Variants in ABCA12 observed in about 807,000 individuals in gnomAD.
ABCA12 encodes the protein glucosylceramide transporter ABCA12.
ABCA12 carries 156 observed loss-of-function variants against 293.5 expected under a neutral mutation model. The ratio of observed to expected loss-of-function variants is 0.53; its 90% CI spans 0.47 to 0.61. The LOEUF (loss-of-function observed/expected upper bound fraction) is 0.61. Ranked by LOEUF, ABCA12 falls within the 20% of genes least tolerant of loss-of-function variation. ABCA12 has a pLI of 0.00. For synonymous variants in ABCA12, 1,063 were observed against 1,108.0 expected (o/e 0.96, Z 0.81); for missense variants, 2,797 against 3,090.2 (o/e 0.91, Z 2.25).
intron 9 of ABCA12, among the ~76,000 whole-genome samples, chr2:215,031,086 T>C (rs979363837): frequency 2.0e-5 from 3 of 152,200 alleles, no homozygotes; most frequent in African/African-American, 7.2e-5. Flanking sequence ...CTTACCATAA[T>C]TATCACAGTT....
At chr2:214,937,742 C>T in intron 50 of ABCA12, 127 bp from the exon 51 acceptor site, 2 of 696,954 alleles carry the variant, frequency 2.9e-6, no homozygotes, top group Non-Finnish European at 5.0e-6. Flanking sequence ...TGAAGACTAT[C>T]ATTTTGCCAT....
intron 8 of ABCA12, among the ~76,000 whole-genome samples, chr2:215,034,337 A>G (rs1233211336): frequency 6.6e-6 from 1 of 152,178 alleles, no homozygotes; most frequent in Non-Finnish European, 1.5e-5. Context: ...CTCCTGAAGA[A>G]ATCTTGAAGT....
At position 214,975,858 on chromosome 2, in the gene ABCA12, A is replaced by G; in HGVS notation, c.5308T>C (p.Ser1770Pro). 1 of 1,614,102 alleles carries G rather than the reference A, an allele frequency of 6.2e-7. No homozygotes were observed. The highest frequency in any genetic ancestry group is 8.5e-7 in the Non-Finnish European group (1 of 1,179,992). ...TAMGLGTLRN[S>P]SNSYPEIQIS... ...TGAATCTCTGGATAACTGTTGCTGG[A>G]ATTTCTCAGTGTGCCAAGGCCCATG... is the stretch of plus-strand genomic sequence containing the variant. The change falls in exon 34 of 53, where the codon TCC (serine) becomes CCC (proline). Residue 1770 changes from serine (S) to proline (P), a missense_variant. Coordinates refer to ENST00000272895, the MANE Select transcript of ABCA12 (RefSeq NM_173076.3).
At chr2:215,118,758 A>G (rs1354124505) in intron 1 of ABCA12, among the ~76,000 whole-genome samples, 1 of 152,164 alleles carries the variant, frequency 6.6e-6, no homozygotes, top group Non-Finnish European at 1.5e-5. Flanking sequence ...TTTCTCTATG[A>G]TTAGTGAGGA....
intron 2 of ABCA12, among the ~76,000 whole-genome samples, chr2:215,073,266 C>A (rs531543242): frequency 6.6e-6 from 1 of 152,240 alleles, no homozygotes; most frequent in East Asian, 1.9e-4. Context: ...TAAAAAATCT[C>A]CCTGCTATGG....
At chr2:215,030,730 A>G (rs4673934) in intron 9 of ABCA12, among the ~76,000 whole-genome samples, 151,788 of 152,284 alleles carry the variant, frequency 1, 75,649 homozygotes, top group East Asian at 1. Context: ...GAGAGATGGC[A>G]GCAGAAAGAG....
At chr2:215,107,160 G>T (rs1702479814) in intron 2 of ABCA12, among the ~76,000 whole-genome samples, 2 of 151,952 alleles carry the variant, frequency 1.3e-5, no homozygotes, top group Admixed American at 1.3e-4. Context: ...TTCTGTCAGG[G>T]TTTTACTGTA....
rs1365135340 is a variant in ABCA12 at position 215,112,786 on chromosome 2, C to T, written c.70-1096G>A. 2.6e-5 allele frequency among the ~76,000 whole-genome samples: 4 copies of T among 152,222 alleles called. No homozygotes were observed. In the East Asian group the frequency reaches 5.8e-4, roughly 22 times the overall value. ...GCTGGGATTACAGGCGTGTGAGCCA[C>T]CGTGCCCGGCCTGAAATTTTCATTA... On this transcript the variant is annotated intron_variant, in intron 1 of 52. Coordinates refer to ENST00000272895, the MANE Select transcript of ABCA12 (RefSeq NM_173076.3).
chr2:215,111,837 T>G, intron 1 of ABCA12, 147 bp from the exon 2 acceptor site: 1 of 654,434 alleles, frequency 1.5e-6, no homozygotes, highest in South Asian at 1.9e-5. Flanking sequence ...AAAAAGTGAA[T>G]GAGAGATTTT....
chr2:214,975,924 T>C lies in ABCA12; in HGVS notation c.5242A>G (p.Ile1748Val). ...HHTRRNWKGL[I>V]AQVILPIVFV... ...ACGATGGGGAGGATAACCTGAGCAA[T>C]GAGACCTTTCCAGTTCCTGCGGGTG... The change falls in exon 34 of 53, where the codon ATT (isoleucine) becomes GTT (valine). Residue 1748 changes from isoleucine to valine, a missense_variant. Physicochemically the swap from Ile to Val is conservative, Grantham distance 29 (BLOSUM62 3). Coordinates refer to ENST00000272895, the MANE Select transcript of ABCA12 (RefSeq NM_173076.3). 6.2e-7 allele frequency: 1 copy of C among 1,613,654 alleles called. No individual in the cohort carries two copies. Among genetic ancestry groups the C allele is most frequent in the Non-Finnish European group, 8.5e-7 (1 of 1,179,606 alleles).
At chr2:214,934,389 A>T (rs1012677449) in intron 51 of ABCA12, among the ~76,000 whole-genome samples, 174 bp from the exon 52 acceptor site, 6 of 152,216 alleles carry the variant, frequency 3.9e-5, no homozygotes, top group Admixed American at 3.9e-4. Flanking sequence ...AGATGAGATG[A>T]AAGTTTTGTG....
At chr2:215,062,927 G>C (rs1307785034) in intron 3 of ABCA12, among the ~76,000 whole-genome samples, 2 of 151,968 alleles carry the variant, frequency 1.3e-5, no homozygotes, top group African/African-American at 4.8e-5. Flanking sequence ...AATGCAAAAA[G>C]GATAGAGAAA....
chr2:214,969,090 A>C (rs1397573932), intron 37 of ABCA12, among the ~76,000 whole-genome samples: 1 of 152,068 alleles, frequency 6.6e-6, no homozygotes, highest in Non-Finnish European at 1.5e-5. Context: ...AATTTCTCCA[A>C]CTTAACTGAC....
chr2:215,048,461 G>A (rs941434135), intron 6 of ABCA12, among the ~76,000 whole-genome samples: 2 of 151,962 alleles, frequency 1.3e-5, no homozygotes, highest in Admixed American at 6.6e-5. Flanking sequence ...TTGGGAGGCC[G>A]AGGCAGGTGG....
chr2:215,004,330 A>G (rs779036240), intron 19 of ABCA12, 31 bp from the exon 20 acceptor site: 2 of 1,530,052 alleles, frequency 1.3e-6, no homozygotes, highest in Admixed American at 1.7e-5. Context: ...ATCAGTTTCA[A>G]TACAAGAAAA....
intron 37 of ABCA12, 96 bp from the exon 38 acceptor site, chr2:214,968,903 T>TAACAGAAACAAAAA: frequency 1.0e-6 from 1 of 979,480 alleles, no homozygotes; most frequent in Non-Finnish European, 1.6e-6. Flanking sequence ...TTTTTGTTTC[T>TAACAGAAACAAAAA]GTTAGGAACA....
chr2:215,102,185 G>A (rs941573076), intron 2 of ABCA12, among the ~76,000 whole-genome samples: 4 of 152,260 alleles, frequency 2.6e-5, no homozygotes, highest in South Asian at 2.1e-4. Flanking sequence ...ATGCACACTC[G>A]TACCTCATTA....
At chr2:214,945,356 T>C (rs1307638043) in intron 48 of ABCA12, among the ~76,000 whole-genome samples, 2 of 152,294 alleles carry the variant, frequency 1.3e-5, no homozygotes, top group East Asian at 1.9e-4. Flanking sequence ...CCGTCTCTTA[T>C]GTTTCTTTGG....
At chr2:215,074,907 A>G (rs530498735) in intron 2 of ABCA12, among the ~76,000 whole-genome samples, 177 of 152,262 alleles carry the variant, frequency 1.2e-3, no homozygotes, top group African/African-American at 3.8e-3. Flanking sequence ...ACGCCACTGT[A>G]CTCAAGCCTG....
Sources: gnomAD v4.1 joint callset for allele counts (sites outside exome capture counted in the v4.1 genomes callset) on GRCh38, gnomAD v4.1.1 for gene constraint, MANE v1.5 for transcripts, NCBI Gene and HGNC (gene_info 2026-07-23, HGNC 2026-07-21) for gene names.